PDXDC1: variants seen among roughly 807,000 people sequenced by gnomAD.
PDXDC1 encodes the protein pyridoxal-dependent decarboxylase domain-containing protein 1.
A neutral mutation model predicts 100.1 loss-of-function variants in PDXDC1; 42 were observed. That is an observed-to-expected ratio of 0.42 (90% CI 0.33 to 0.54). The LOEUF (loss-of-function observed/expected upper bound fraction) is 0.54, where lower values mean the gene tolerates loss of function less well. Among genes scored for constraint, PDXDC1 ranks in the 20% least tolerant of loss-of-function variants. The pLI is 0.10. For synonymous variants in PDXDC1, 260 were observed against 371.7 expected, an observed-to-expected ratio of 0.70 and a Z score of 3.46; for missense variants, 636 against 979.2, an observed-to-expected ratio of 0.65 and a Z score of 4.68.
chr16:15,059,378 CA>C (rs934861942), intron 16 of PDXDC1, among the ~76,000 whole-genome samples: 16 of 151,734 alleles, frequency 1.1e-4, no homozygotes, highest in African/African-American at 3.6e-4. Context: ...TATCTTTAAC[CA>C]AAAAAAACTT....
chr16:15,028,480 C>A lies in PDXDC1; in HGVS notation c.1205-398C>A, dbSNP rs1382028986. ...AGCTCCAAGATGACAGAAACCTTAC[C>A]TGCCTTCTGTCCCAAGTGTCGGGCT... On this transcript the variant is annotated intron_variant, in intron 14 of 22. Coordinates refer to ENST00000396410, the MANE Select transcript of PDXDC1 (RefSeq NM_015027.4). 5.9e-5 allele frequency among the ~76,000 whole-genome samples: 9 copies of A among 152,416 alleles called. No individual in the cohort carries two copies. In the South Asian group the frequency reaches 1.9e-3, roughly 32 times the overall value.
In PDXDC1 at chr16:15,033,374, C is replaced by G; in HGVS notation, c.1787C>G (p.Ala596Gly). The change falls in exon 19 of 23, where the codon GCC becomes GGC. Residue 596 changes from alanine to glycine, a missense_variant. This residue lies in a region of PDXDC1 where 452 missense variants were observed against 402.9 expected (regional missense o/e 1.12). Coordinates refer to ENST00000396410, the MANE Select transcript of PDXDC1 (RefSeq NM_015027.4). Reference sequence around the variant, plus strand: ...CTCGTGGAGACCATTGCGGCCACAGCCCGGGAGATAGAGGAGAACTCGAGG... The same window carrying G: ...CTCGTGGAGACCATTGCGGCCACAGGCCGGGAGATAGAGGAGAACTCGAGG... ...AELVETIAAT[A>G]REIEENSRLL... 1 of 1,614,142 alleles carries G rather than the reference C, an allele frequency of 6.2e-7. No individual in the cohort carries two copies. The highest frequency in any genetic ancestry group is 8.5e-7 in the Non-Finnish European group (1 of 1,180,000).
chr16:15,071,463 G>C (rs2045224712), intron 16 of PDXDC1, among the ~76,000 whole-genome samples: 1 of 152,156 alleles, frequency 6.6e-6, no homozygotes, highest in South Asian at 2.1e-4. Flanking sequence ...CCCAAACCTA[G>C]CTAAGCATCA....
intron 16 of PDXDC1, among the ~76,000 whole-genome samples, chr16:15,055,456 C>T (rs1226583220): frequency 6.6e-6 from 1 of 152,192 alleles, no homozygotes; most frequent in Non-Finnish European, 1.5e-5. Flanking sequence ...CCGAAGCCCA[C>T]CCTGGAATAA....
In PDXDC1 at chr16:15,111,199, G is replaced by A. The variant is rs1262600782; in HGVS notation, c.1400-27680G>A. Among the ~76,000 whole-genome samples the A allele has an allele frequency of 3.4e-5, 5 of 148,038 alleles. No homozygotes were observed. In the South Asian group the frequency reaches 6.5e-4, roughly 19 times the overall value. On this transcript the variant is annotated intron_variant, in intron 16 of 16. Coordinates refer to the PDXDC1 transcript ENST00000535621. Reference sequence around the variant, plus strand: ...GAGGCTGGCATGTTGGCTCACTCCCGTAATCCCAGCACTTTGGGAGGCCGA... The same window carrying A: ...GAGGCTGGCATGTTGGCTCACTCCCATAATCCCAGCACTTTGGGAGGCCGA...
intron 16 of PDXDC1, among the ~76,000 whole-genome samples, chr16:15,095,300 G>A (rs188933898): frequency 6.6e-6 from 1 of 152,064 alleles, no homozygotes; most frequent in Non-Finnish European, 1.5e-5. Context: ...AGGGGAAAAG[G>A]TTGCAACTTT....
chr16:15,135,735 C>A, intron 16 of PDXDC1: 3 of 1,597,250 alleles, frequency 1.9e-6, no homozygotes, highest in Non-Finnish European at 2.6e-6. Flanking sequence ...TCGCTCCCAT[C>A]CAGCACCAGG....
At chr16:15,076,287 C>G (rs891862340) in intron 16 of PDXDC1, 4 of 591,006 alleles carry the variant, frequency 6.8e-6, no homozygotes, top group African/African-American at 3.7e-5. Context: ...CCCTCACAGA[C>G]AGCATCTGGC....
chr16:15,047,967 T>G (rs770420516), intron 16 of PDXDC1: 1 of 1,601,208 alleles, frequency 6.2e-7, no homozygotes, highest in African/African-American at 1.3e-5. Flanking sequence ...CCTTTTGGGA[T>G]AACGCCCAAT....
intron 16 of PDXDC1, chr16:15,071,392 C>T: frequency 1.2e-6 from 1 of 811,172 alleles, no homozygotes; most frequent in Non-Finnish European, 1.9e-6. Flanking sequence ...ATTTTTAAAA[C>T]ACATTGAGAG....
chr16:15,098,684 G>C (rs531510191), intron 16 of PDXDC1, among the ~76,000 whole-genome samples: 1 of 151,954 alleles, frequency 6.6e-6, no homozygotes, highest in South Asian at 2.1e-4. Context: ...TTCGAGACCA[G>C]CCTGACCAAC....
intron 16 of PDXDC1, among the ~76,000 whole-genome samples, chr16:15,074,218 A>G (rs1053694405): frequency 2.6e-5 from 4 of 152,238 alleles, no homozygotes; most frequent in African/African-American, 9.6e-5. Flanking sequence ...TTCCAGTTCT[A>G]TTATTCTGAC....
chr16:15,077,348 T>C (rs1009244610), intron 16 of PDXDC1, among the ~76,000 whole-genome samples: 10 of 152,028 alleles, frequency 6.6e-5, no homozygotes, highest in Non-Finnish European at 1.2e-4. Flanking sequence ...TGGTGGGAGA[T>C]AATTTGAATC....
intron 16 of PDXDC1, among the ~76,000 whole-genome samples, chr16:15,100,236 A>G (rs1161595419): frequency 6.6e-6 from 1 of 152,180 alleles, no homozygotes; most frequent in Non-Finnish European, 1.5e-5. Context: ...AACCAATAGC[A>G]TGTATCTCAT....
At chr16:15,032,652 T>TA in intron 17 of PDXDC1, 13 of 296,992 alleles carry the variant, frequency 4.4e-5, no homozygotes, top group Admixed American at 9.1e-5. Context: ...AGACCCTGCT[T>TA]TAAAAAAAAA....
intron 3 of PDXDC1, among the ~76,000 whole-genome samples, chr16:15,000,868 T>C (rs1446612006): frequency 6.7e-6 from 1 of 150,312 alleles, no homozygotes; most frequent in Admixed American, 6.7e-5. Context: ...TGTCTAGCAT[T>C]ATACTATACT....
chr16:15,086,088 G>A (rs186917424), intron 16 of PDXDC1: 86 of 1,566,930 alleles, frequency 5.5e-5, no homozygotes, highest in Non-Finnish European at 6.5e-5. Flanking sequence ...TTTTAATAAA[G>A]AAGTATTAAA....
At chr16:15,048,259 C>T (rs758260629) in intron 16 of PDXDC1, among the ~76,000 whole-genome samples, 17 of 152,152 alleles carry the variant, frequency 1.1e-4, no homozygotes, top group East Asian at 9.6e-4. Flanking sequence ...GCAGCAGCCA[C>T]GGTCATTCAG....
intron 16 of PDXDC1, among the ~76,000 whole-genome samples, chr16:15,101,973 C>T (rs1598071177): frequency 3.9e-5 from 6 of 152,166 alleles, no homozygotes; most frequent in Middle Eastern, 3.4e-3. Flanking sequence ...CTCAGCCTCC[C>T]GAGTAGCTGG....
Sources: allele counts gnomAD v4.1 joint callset (sites outside exome capture counted in the v4.1 genomes callset), GRCh38; gene constraint gnomAD v4.1.1; regional missense constraint gnomAD v4.1.1; transcripts MANE v1.5; gene names NCBI Gene and HGNC (gene_info 2026-07-23, HGNC 2026-07-21).